The following SOX6 variants were observed in gnomAD, a reference collection of about 807,000 sequenced individuals.
SOX6 encodes transcription factor SOX-6.
In SOX6, 11 loss-of-function variants were observed where a neutral mutation model predicts 97.8. That is an observed-to-expected ratio of 0.11 (90% CI 0.07 to 0.19). SOX6 has a LOEUF of 0.19. Among genes scored for constraint, SOX6 ranks in the 10% least tolerant of loss-of-function variants. The pLI is 1.00. For missense variants in SOX6, 810 were observed against 1,039.5 expected, an observed-to-expected ratio of 0.78 and a Z score of 3.04; for synonymous variants, 360 against 371.4, an observed-to-expected ratio of 0.97 and a Z score of 0.35.
chr11:16,721,402 T>C (rs1293067705), intron 2 of SOX6, among the ~76,000 whole-genome samples: 3 of 152,062 alleles, frequency 2.0e-5, no homozygotes, highest in Non-Finnish European at 4.4e-5. Context: ...AGGGGGAAAC[T>C]TGAGCGCTGA....
At chr11:16,362,615 T>C (rs1857237707) in intron 1 of SOX6, among the ~76,000 whole-genome samples, 2 of 151,846 alleles carry the variant, frequency 1.3e-5, no homozygotes, top group Non-Finnish European at 2.9e-5. Flanking sequence ...CATGGTATGC[T>C]GTATGTGGTG....
chr11:16,593,518 T>C (rs1481387580), intron 4 of SOX6, among the ~76,000 whole-genome samples: 3 of 107,196 alleles, frequency 2.8e-5, no homozygotes, highest in African/African-American at 6.3e-5. Context: ...AAATCCACCT[T>C]TAGAAAAAAA....
At chr11:16,651,568 C>T (rs889784252) in intron 3 of SOX6, among the ~76,000 whole-genome samples, 1 of 152,068 alleles carries the variant, frequency 6.6e-6, no homozygotes, top group Admixed American at 6.5e-5. Flanking sequence ...TGACAAAATC[C>T]AGCATCCCTT....
intron 3 of SOX6, among the ~76,000 whole-genome samples, chr11:16,243,377 T>A (rs1853248106): frequency 1.3e-5 from 2 of 151,990 alleles, no homozygotes. Flanking sequence ...GGAATGTTTC[T>A]GATACCACTT....
At chr11:16,711,571 G>A (rs1210746063) in intron 3 of SOX6, among the ~76,000 whole-genome samples, 1 of 152,154 alleles carries the variant, frequency 6.6e-6, no homozygotes, top group Non-Finnish European at 1.5e-5. Flanking sequence ...ATCTTAAAAT[G>A]GCACTTAAGA....
chr11:16,621,235 A>T (rs563618679), intron 3 of SOX6, among the ~76,000 whole-genome samples: 1 of 152,194 alleles, frequency 6.6e-6, no homozygotes, highest in African/African-American at 2.4e-5. Context: ...TGATGTCTGT[A>T]TTTATTTTCT....
chr11:16,473,483 G>A (rs1198591484), intron 1 of SOX6, among the ~76,000 whole-genome samples: 1 of 151,702 alleles, frequency 6.6e-6, no homozygotes, highest in East Asian at 1.9e-4. Flanking sequence ...TTGTTTTGAT[G>A]TTGATGGCTG....
intron 4 of SOX6, among the ~76,000 whole-genome samples, chr11:16,506,014 CA>C (rs2133147450): frequency 6.6e-6 from 1 of 152,322 alleles, no homozygotes; most frequent in South Asian, 2.1e-4. Context: ...AGCATGGATG[CA>C]AAATGTAGGG....
intron 1 of SOX6, chr11:16,402,780 T>G: frequency 6.2e-7 from 1 of 1,601,368 alleles, no homozygotes; most frequent in Non-Finnish European, 8.5e-7. Flanking sequence ...CAATCTACTA[T>G]TGTTACATGA....
Position 16,523,435 on chromosome 11 carries a change from G to A in SOX6, n.610-47047C>T, listed in dbSNP as rs182106846. Among the ~76,000 whole-genome samples, 5 of 152,158 alleles carry A rather than the reference G, an allele frequency of 3.3e-5. No homozygotes were observed. In the East Asian group the frequency reaches 9.6e-4, roughly 29 times the overall value. On this transcript the variant is annotated intron_variant and non_coding_transcript_variant, in intron 4 of 5. Coordinates refer to the SOX6 transcript ENST00000524520. ...AATAAAGATGTTCTTTGAAACCAAC[G>A]AGAACAAAGACACAACATACCAGAA...
intron 9 of SOX6, among the ~76,000 whole-genome samples, chr11:16,060,640 G>A (rs1387463447): frequency 6.6e-6 from 1 of 151,894 alleles, no homozygotes; most frequent in African/African-American, 2.4e-5. Flanking sequence ...GTCATTAAAT[G>A]AATAGGTATA....
chr11:16,605,623 T>C lies in SOX6; in HGVS notation n.609+6458A>G, dbSNP rs950210819. On this transcript the variant is annotated intron_variant and non_coding_transcript_variant, in intron 4 of 5. Coordinates refer to the SOX6 transcript ENST00000524520. The surrounding 1 kb of genome is among the most constrained non-coding windows in gnomAD (Gnocchi z 5.3). ...GACCCGGGTTTTCTTCATGAACTCC[T>C]CCGAGTAAACTTTATCCCGGCGAGA... Among the ~76,000 whole-genome samples the C allele has an allele frequency of 6.6e-6, 1 of 151,874 alleles. No individual in the cohort carries two copies. The highest frequency in any genetic ancestry group is 1.5e-5 in the Non-Finnish European group (1 of 67,990).
intron 1 of SOX6, among the ~76,000 whole-genome samples, chr11:16,433,132 AG>A (rs1453581777): frequency 1.3e-5 from 2 of 152,086 alleles, no homozygotes; most frequent in African/African-American, 4.8e-5. Flanking sequence ...TTAGGTTCGC[AG>A]TATTAATTTC....
intron 3 of SOX6, among the ~76,000 whole-genome samples, chr11:16,280,534 A>G (rs1854525201): frequency 6.6e-6 from 1 of 152,096 alleles, no homozygotes; most frequent in Non-Finnish European, 1.5e-5. Flanking sequence ...CACATCTGTC[A>G]GAAGCACTCA....
At chr11:16,199,057 A>G (rs1313469560) in intron 4 of SOX6, among the ~76,000 whole-genome samples, 2 of 152,242 alleles carry the variant, frequency 1.3e-5, no homozygotes, top group African/African-American at 4.8e-5. Context: ...TTTGAAATGA[A>G]CTAATAACCA....
intron 1 of SOX6, chr11:16,408,640 T>TG (rs1858733118): frequency 2.0e-5 from 3 of 152,224 alleles, no homozygotes; most frequent in Admixed American, 6.5e-5. Context: ...TTAAACTATT[T>TG]TTTACAGGAT....
intron 9 of SOX6, among the ~76,000 whole-genome samples, chr11:16,076,375 C>A (rs1848351725): frequency 7.2e-6 from 1 of 139,304 alleles, no homozygotes. Context: ...GTCTAATATG[C>A]AGAATCTATA....
chr11:16,041,767 G>T (rs1412878171), intron 12 of SOX6, among the ~76,000 whole-genome samples: 1 of 152,134 alleles, frequency 6.6e-6, no homozygotes, highest in African/African-American at 2.4e-5. Flanking sequence ...GCTTTAGCCA[G>T]ATCCTAGCAG....
At chr11:16,697,024 G>A (rs887889411) in intron 3 of SOX6, among the ~76,000 whole-genome samples, 5 of 151,654 alleles carry the variant, frequency 3.3e-5, no homozygotes, top group East Asian at 1.9e-4. Flanking sequence ...TTCATCAGCT[G>A]TAGATTCTAT....
Sources: gnomAD v4.1 joint callset for allele counts (sites outside exome capture counted in the v4.1 genomes callset) on GRCh38, gnomAD v4.1.1 for gene constraint, Gnocchi (gnomAD v3.1) non-coding constraint, MANE v1.5 for transcripts, NCBI Gene and HGNC (gene_info 2026-07-23, HGNC 2026-07-21) for gene names.